The following EXOC4 variants were observed in gnomAD, a reference collection of about 807,000 sequenced individuals.
The protein encoded by EXOC4 is exocyst complex component 4.
In EXOC4, 71 loss-of-function variants were observed where a neutral mutation model predicts 107.2. The observed-to-expected ratio is 0.66, with a 90% CI of 0.55 to 0.81. The LOEUF is 0.81. Among genes scored for constraint, EXOC4 ranks in the 30% least tolerant of loss-of-function variants. The pLI is 0.00. For missense variants in EXOC4, 1,108 were observed against 1,189.6 expected (o/e 0.93, Z 1.01); for synonymous variants, 456 against 441.2 (o/e 1.03, Z -0.42).
chr7:134,030,512 G>T (rs533078215), intron 17 of EXOC4, among the ~76,000 whole-genome samples: 1 of 152,298 alleles, frequency 6.6e-6, no homozygotes, highest in Non-Finnish European at 1.5e-5. Context: ...TAACAATGCG[G>T]CTAGAGGACC....
At chr7:133,284,617 C>T (rs776869922) in intron 2 of EXOC4, among the ~76,000 whole-genome samples, 3 of 152,198 alleles carry the variant, frequency 2.0e-5, no homozygotes, top group Non-Finnish European at 2.9e-5. Flanking sequence ...CTGCAAGCTC[C>T]GCCTCCTGGA....
chr7:133,789,135 G>A lies in EXOC4; in HGVS notation c.1515-28190G>A, dbSNP rs377686920. Among the ~76,000 whole-genome samples the A allele has an allele frequency of 1.8e-4, 27 of 152,196 alleles. No individual in the cohort carries two copies. In the South Asian group the frequency reaches 3.5e-3, roughly 20 times the overall value. On this transcript the variant is annotated intron_variant, in intron 10 of 17. Transcript: ENST00000253861. Reference sequence around the variant, plus strand: ...AACACAGGGTAGATTATGGCACTTCGTCAGGGTAAAGTTCCAATTCTTCAC... The same window carrying A: ...AACACAGGGTAGATTATGGCACTTCATCAGGGTAAAGTTCCAATTCTTCAC...
chr7:133,502,388 A>C (rs149146913), intron 9 of EXOC4, among the ~76,000 whole-genome samples: 1,632 of 152,254 alleles, frequency 0.011, 6 homozygotes, highest in Non-Finnish European at 0.016. Context: ...ATTGTTACTT[A>C]TTATTCAGTT....
intron 15 of EXOC4, 133 bp downstream of exon 15, chr7:133,997,766 T>C (rs1166032731): frequency 2.1e-5 from 22 of 1,055,390 alleles, no homozygotes; most frequent in Non-Finnish European, 2.7e-5. Context: ...ACACTGAAAG[T>C]GATTTTTAGC....
At chr7:133,688,583 C>A (rs1348552585) in intron 10 of EXOC4, among the ~76,000 whole-genome samples, 1 of 152,066 alleles carries the variant, frequency 6.6e-6, no homozygotes, top group Admixed American at 6.6e-5. Context: ...AAGAACGTGG[C>A]CTGAATATAT....
At chr7:133,968,053 C>G (rs1196170048) in intron 14 of EXOC4, among the ~76,000 whole-genome samples, 3 of 152,186 alleles carry the variant, frequency 2.0e-5, no homozygotes, top group African/African-American at 7.2e-5. Flanking sequence ...GTTAGCTCTT[C>G]TTGTTGCATT....
chr7:133,459,387 G>A (rs1457046002), intron 7 of EXOC4, among the ~76,000 whole-genome samples: 1 of 152,164 alleles, frequency 6.6e-6, no homozygotes, highest in African/African-American at 2.4e-5. Context: ...ATCCTACTGT[G>A]ATGAATTTAT....
At chr7:133,333,072 C>G (rs1037999486) in intron 5 of EXOC4, among the ~76,000 whole-genome samples, 3 of 152,072 alleles carry the variant, frequency 2.0e-5, no homozygotes, top group African/African-American at 7.2e-5. Context: ...AGGCGTTGGC[C>G]AAATCATGAT....
chr7:133,710,854 A>G (rs913608191), intron 10 of EXOC4, among the ~76,000 whole-genome samples: 9 of 151,664 alleles, frequency 5.9e-5, no homozygotes, highest in Admixed American at 5.3e-4. Context: ...GTTCTTTTCT[A>G]TAGAGTAATC....
At chr7:133,920,020 T>C (rs1799903290) in intron 13 of EXOC4, among the ~76,000 whole-genome samples, 1 of 152,198 alleles carries the variant, frequency 6.6e-6, no homozygotes, top group African/African-American at 2.4e-5. Flanking sequence ...GAACAAGAGC[T>C]CCTGTTTCTC....
At chr7:133,475,290 G>T in intron 7 of EXOC4, 38 bp from the exon 8 acceptor site, 1 of 1,514,878 alleles carries the variant, frequency 6.6e-7, no homozygotes, top group South Asian at 1.2e-5. Flanking sequence ...CATTAAAAAT[G>T]TGTATATTAA....
chr7:133,996,799 T>C (rs891525452), intron 14 of EXOC4, among the ~76,000 whole-genome samples: 1 of 152,198 alleles, frequency 6.6e-6, no homozygotes, highest in Admixed American at 6.5e-5. Flanking sequence ...AGAGAAAAAT[T>C]GGAATGTTTT....
At chr7:133,270,984 T>G (rs1302962427) in intron 1 of EXOC4, among the ~76,000 whole-genome samples, 1 of 150,758 alleles carries the variant, frequency 6.6e-6, no homozygotes, top group Middle Eastern at 3.2e-3. Context: ...AGTGGCACGA[T>G]CTCGGCTCAC....
intron 14 of EXOC4, among the ~76,000 whole-genome samples, chr7:133,949,450 A>G (rs1402173720): frequency 6.6e-6 from 1 of 152,214 alleles, no homozygotes; most frequent in Non-Finnish European, 1.5e-5. Context: ...TCTAAGACTG[A>G]TGAAAAACCT....
chr7:133,371,495 T>C (rs1796376712), intron 6 of EXOC4, among the ~76,000 whole-genome samples: 1 of 152,322 alleles, frequency 6.6e-6, no homozygotes, highest in East Asian at 1.9e-4. Flanking sequence ...ATATAGTATA[T>C]GGTCTTCTGT....
At chr7:134,057,038 C>T (rs1795943168) in intron 17 of EXOC4, among the ~76,000 whole-genome samples, 2 of 152,104 alleles carry the variant, frequency 1.3e-5, no homozygotes, top group African/African-American at 2.4e-5. Flanking sequence ...CCCAGGAGAA[C>T]CCCCACCCCC....
At chr7:133,304,461 T>C (rs1335137713) in intron 3 of EXOC4, among the ~76,000 whole-genome samples, 1 of 152,206 alleles carries the variant, frequency 6.6e-6, no homozygotes, top group Admixed American at 6.5e-5. Flanking sequence ...CCAGGGCTTG[T>C]CACTCTCCCA....
chr7:133,688,755 T>C (rs1794360568), intron 10 of EXOC4, among the ~76,000 whole-genome samples: 1 of 152,126 alleles, frequency 6.6e-6, no homozygotes, highest in African/African-American at 2.4e-5. Flanking sequence ...CAAGAGATGC[T>C]TCATTGGTTC....
chr7:133,323,592 G>A (rs1232179476), intron 5 of EXOC4, among the ~76,000 whole-genome samples: 37 of 152,150 alleles, frequency 2.4e-4, no homozygotes, highest in Admixed American at 2.4e-3. Flanking sequence ...GCTTTTTGAT[G>A]TGCTGCTGGA....
Sources: allele counts gnomAD v4.1 joint callset (sites outside exome capture counted in the v4.1 genomes callset), GRCh38; gene constraint gnomAD v4.1.1; transcripts MANE v1.5; gene names NCBI Gene and HGNC (gene_info 2026-07-23, HGNC 2026-07-21).